KLKB1: variants seen among roughly 807,000 people sequenced by gnomAD.
The protein encoded by KLKB1 is plasma kallikrein.
KLKB1 carries 58 observed loss-of-function variants against 73.6 expected under a neutral mutation model. The observed-to-expected ratio is 0.79, with a 90% confidence interval of 0.64 to 0.98. KLKB1 has a LOEUF of 0.98. Ranked by LOEUF, KLKB1 falls within the 50% of genes least tolerant of loss-of-function variation. The pLI, the probability that KLKB1 is intolerant of heterozygous loss-of-function variation, is 0.00. For synonymous variants in KLKB1, 280 were observed against 258.1 expected (o/e 1.08, Z -0.81); for missense variants, 737 against 763.8 (o/e 0.96, Z 0.41).
chr4:186,224,990 C>G (rs1318918141), upstream of KLKB1, among the ~76,000 whole-genome samples: 1 of 152,138 alleles, frequency 6.6e-6, no homozygotes, highest in African/African-American at 2.4e-5. Context: ...GTGACAGTTT[C>G]CCCTGCACAT....
chr4:186,245,808 TTTTGTTTGTTTTTTGG>T lies in KLKB1; in HGVS notation c.599-4431_599-4416del, dbSNP rs1414201894. ...CTGGAATCTAATTTTTGGAGTTTTTTTTTGTTTGTTTTTTGGTTTTTTTTTTTTAATGTCAGGAGCT... is the reference window on the plus strand; with the variant it reads ...CTGGAATCTAATTTTTGGAGTTTTTTTTTTTTTTTTTTAATGTCAGGAGCT... On this transcript the variant is annotated intron_variant, in intron 6 of 14. Coordinates refer to ENST00000264690, the MANE Select transcript of KLKB1 (RefSeq NM_000892.5). 5.0e-4 allele frequency among the ~76,000 whole-genome samples: 45 copies of T among 89,572 alleles called. 10 individuals carry two copies. Among genetic ancestry groups the T allele is most frequent in the Admixed American group, 6.0e-4 (5 of 8,382 alleles). 58.8% of individuals were successfully genotyped at this position (89,572 alleles called of 152,430 possible). A position where few individuals can be genotyped will look rare whatever the true frequency, so the allele number is the denominator to read the frequency against.
At chr4:186,213,653 AGGG>A (rs1736802128) in intron 2 of KLKB1, among the ~76,000 whole-genome samples, 1 of 152,248 alleles carries the variant, frequency 6.6e-6, no homozygotes, top group East Asian at 1.9e-4. Context: ...CACTGGTCCC[AGGG>A]ATTTAGAGTC....
chr4:186,243,681 C>T (rs942164654), intron 6 of KLKB1, among the ~76,000 whole-genome samples: 5 of 147,838 alleles, frequency 3.4e-5, no homozygotes, highest in South Asian at 2.2e-4. Context: ...CCCATATAAC[C>T]GCATGGTGGT....
intron 3 of KLKB1, among the ~76,000 whole-genome samples, chr4:186,233,148 C>G (rs557262910): frequency 6.6e-6 from 1 of 152,116 alleles, no homozygotes; most frequent in Non-Finnish European, 1.5e-5. Flanking sequence ...CTCCTGACCT[C>G]GTGATCCACC....
At chr4:186,219,723 G>GT (rs1736992146) in intron 2 of KLKB1, among the ~76,000 whole-genome samples, 1 of 152,122 alleles carries the variant, frequency 6.6e-6, no homozygotes, top group South Asian at 2.1e-4. Context: ...GCAGGTTGTG[G>GT]TTTTTTACCT....
chr4:186,219,374 T>G (rs185262680), intron 2 of KLKB1, among the ~76,000 whole-genome samples: 10 of 152,260 alleles, frequency 6.6e-5, no homozygotes, highest in Non-Finnish European at 1.3e-4. Context: ...AAGGTCATAA[T>G]TATGTTAGGT....
In KLKB1 at chr4:186,232,116, T is replaced by A; in HGVS notation, c.59-11T>A. Reference sequence around the variant, plus strand: ...AATTATCGCAAATTAATTTTTATGGTTCTGTCACAGGATGTCTGACTCAAC... The same window carrying A: ...AATTATCGCAAATTAATTTTTATGGATCTGTCACAGGATGTCTGACTCAAC... On this transcript the variant is annotated splice_polypyrimidine_tract_variant and intron_variant, in intron 2 of 14. Coordinates refer to ENST00000264690, the MANE Select transcript of KLKB1 (RefSeq NM_000892.5). 1 of 1,587,254 alleles carries A rather than the reference T, an allele frequency of 6.3e-7. No individual in the cohort carries two copies. Among genetic ancestry groups the A allele is most frequent in the Non-Finnish European group, 8.6e-7 (1 of 1,167,436 alleles).
chr4:186,244,484 G>A (rs984374727), intron 6 of KLKB1, among the ~76,000 whole-genome samples: 6 of 152,162 alleles, frequency 3.9e-5, no homozygotes, highest in Non-Finnish European at 7.3e-5. Flanking sequence ...GAAGCCTTGT[G>A]GCAGTACAGC....
intron 14 of KLKB1, 142 bp from the exon 15 acceptor site, chr4:186,257,879 G>A: frequency 1.2e-6 from 1 of 807,570 alleles, no homozygotes; most frequent in Admixed American, 2.1e-5. Flanking sequence ...GCAATGTGAT[G>A]AAACCCATCT....
At chr4:186,229,689 T>C (rs1737304873) in intron 2 of KLKB1, among the ~76,000 whole-genome samples, 1 of 152,226 alleles carries the variant, frequency 6.6e-6, no homozygotes, top group South Asian at 2.1e-4. Context: ...GAGTGCTCAT[T>C]TACCCCACTT....
At chr4:186,210,999 G>A (rs1209088994) in intron 2 of KLKB1, 1 of 237,396 alleles carries the variant, frequency 4.2e-6, no homozygotes, top group Non-Finnish European at 8.2e-6. Flanking sequence ...ACCATGCCTG[G>A]CTAATTTTTT....
At chr4:186,255,106 G>A (rs529496911) in intron 12 of KLKB1, among the ~76,000 whole-genome samples, 4 of 152,296 alleles carry the variant, frequency 2.6e-5, no homozygotes, top group Non-Finnish European at 5.9e-5. Context: ...AGGGATATTC[G>A]AATGTGTGAG....
intron 2 of KLKB1, among the ~76,000 whole-genome samples, chr4:186,220,956 G>C (rs1183894735): frequency 6.6e-6 from 1 of 152,006 alleles, no homozygotes; most frequent in East Asian, 1.9e-4. Flanking sequence ...TCTTAGTTGA[G>C]AGTTTTTATT....
intron 6 of KLKB1, among the ~76,000 whole-genome samples, chr4:186,242,928 GTT>G (rs1738129461): frequency 1.8e-5 from 2 of 113,242 alleles, no homozygotes; most frequent in Admixed American, 9.0e-5. Flanking sequence ...AGGCCGGTCT[GTT>G]ATCGGATTGT....
rs4253339 is a variant in KLKB1, at chr4:186,233,532, G to A, written c.222-420G>A. On this transcript the variant is annotated intron_variant, in intron 3 of 14. Transcript: ENST00000264690. Reference sequence around the variant, plus strand: ...CATGAAGGTGGACATCTAAGACAGAGGGAAGTCTTCCATTAAGTGCAGACT... The same window carrying A: ...CATGAAGGTGGACATCTAAGACAGAAGGAAGTCTTCCATTAAGTGCAGACT... 5.4e-3 allele frequency among the ~76,000 whole-genome samples: 817 copies of A among 152,292 alleles called. 12 individuals carry two copies. The highest frequency in any genetic ancestry group is 0.018 in the African/African-American group (767 of 41,558).
rs771558402 is a variant in KLKB1, at chr4:186,257,293, A to G, written c.1653A>G (p.Arg551=). The G allele has an allele frequency of 1.9e-6, 3 of 1,603,642 alleles. No homozygotes were observed. Among genetic ancestry groups the G allele is most frequent in the Admixed American group, 3.4e-5 (2 of 59,674 alleles). ...PLVTNEECQK[R]YQDYKITQRM... is the part of the protein sequence containing the mutation. ...TAACAAATGAAGAATGCCAGAAAAG[A>G]TATCAAGATTATAAAATAACCCAAC... The change falls in exon 14 of 15, where the codon AGA becomes AGG. Residue 551 remains arginine, a synonymous_variant. Coordinates refer to ENST00000264690, the MANE Select transcript of KLKB1 (RefSeq NM_000892.5).
chr4:186,236,399 G>C (rs1443857639), intron 4 of KLKB1, among the ~76,000 whole-genome samples: 1 of 152,138 alleles, frequency 6.6e-6, no homozygotes, highest in Non-Finnish European at 1.5e-5. Flanking sequence ...AAAGGTCAAA[G>C]GCACATCAGT....
In KLKB1 at chr4:186,251,545, G is replaced by A. The variant is rs1211463741; in HGVS notation, c.927G>A (p.Val309=). 1 of 1,614,064 alleles carries A rather than the reference G, an allele frequency of 6.2e-7. No homozygotes were observed. The highest frequency in any genetic ancestry group is 1.3e-5 in the African/African-American group (1 of 75,052). ...ACTTTGGAGGAGAAGAATTGAATGT[G>A]ACTTTTGTTAAAGGAGTGAATGTTT... The part of the protein sequence containing the change: ...GVDFGGEELN[V]TFVKGVNVCQ... Residue 309 remains valine, a synonymous_variant, in exon 9 of 15, where the codon GTG becomes GTA. Coordinates refer to ENST00000264690, the MANE Select transcript of KLKB1 (RefSeq NM_000892.5).
At chr4:186,220,356 G>A (rs538288108) in intron 2 of KLKB1, among the ~76,000 whole-genome samples, 12 of 152,222 alleles carry the variant, frequency 7.9e-5, no homozygotes, top group Middle Eastern at 6.8e-3. Context: ...CCATTCCACC[G>A]TTCTATCAAT....
Sources: gnomAD v4.1 joint callset for allele counts (sites outside exome capture counted in the v4.1 genomes callset) on GRCh38, gnomAD v4.1.1 for gene constraint, MANE v1.5 for transcripts, NCBI Gene and HGNC (gene_info 2026-07-23, HGNC 2026-07-21) for gene names.